The following ENOSF1 variants were observed in gnomAD, a reference collection of about 807,000 sequenced individuals.
ENOSF1 encodes the protein mitochondrial enolase superfamily member 1.
Under a neutral mutation model 68.2 loss-of-function variants are expected in ENOSF1, and 73 were observed. The ratio of observed to expected loss-of-function variants is 1.07; its 90% confidence interval spans 0.89 to 1.30. The LOEUF (loss-of-function observed/expected upper bound fraction) is 1.30, where lower values mean the gene tolerates loss of function less well. Among genes scored for constraint, ENOSF1 ranks in the 50% most tolerant of loss-of-function variants. The pLI is 0.00. For synonymous variants in ENOSF1, 223 were observed against 210.4 expected, an observed-to-expected ratio of 1.06 and a Z score of -0.52; for missense variants, 589 against 554.5, an observed-to-expected ratio of 1.06 and a Z score of -0.62.
chr18:690,285 G>A (rs1383148860), intron 8 of ENOSF1, among the ~76,000 whole-genome samples: 1 of 150,828 alleles, frequency 6.6e-6, no homozygotes, highest in Non-Finnish European at 1.5e-5. Flanking sequence ...ACTGGCATCT[G>A]CCATAGGGCA....
At chr18:683,590 T>C (rs1258473215) in intron 10 of ENOSF1, among the ~76,000 whole-genome samples, 2 of 151,890 alleles carry the variant, frequency 1.3e-5, no homozygotes, top group East Asian at 3.9e-4. Context: ...GTACAGTCTT[T>C]AGGAGGAGCC....
chr18:691,356 T>G, intron 5 of ENOSF1, 80 bp from the exon 6 acceptor site: 1 of 1,195,426 alleles, frequency 8.4e-7, no homozygotes. Flanking sequence ...TTTATTATTC[T>G]TTTTTTAGAG....
At chr18:666,908 G>C (rs1469955927), downstream of ENOSF1, among the ~76,000 whole-genome samples, 1 of 65,434 alleles carries the variant, frequency 1.5e-5, no homozygotes, top group African/African-American at 3.7e-5. Flanking sequence ...GATGGAGATG[G>C]TGATGGTGAT....
At chr18:667,029 TGATGGA>T (rs201595751), downstream of ENOSF1, among the ~76,000 whole-genome samples, 15 of 11,300 alleles carry the variant, frequency 1.3e-3, 3 homozygotes, top group African/African-American at 4.3e-3. Context: ...ATGGAGATGG[TGATGGA>T]GATGGTGATG....
Position 671,049 on chromosome 18 carries a change from G to C in ENOSF1, c.*3256C>G. ...CTCTTCTGGAAGGTTTTCTGGCCCT[G>C]TGGTATACGCACTAACAGATCTATA... On this transcript the variant is annotated 3_prime_UTR_variant, in exon 16 of 16. Coordinates refer to ENST00000647584, the MANE Select transcript of ENOSF1 (RefSeq NM_017512.7). 1 of 704,876 alleles carries C rather than the reference G, an allele frequency of 1.4e-6. No individual in the cohort carries two copies. The highest frequency in any genetic ancestry group is 2.3e-6 in the Non-Finnish European group (1 of 432,246). 43.7% of individuals were successfully genotyped at this position (704,876 alleles called of 1,614,324 possible). A position where few individuals can be genotyped will look rare whatever the true frequency, so the allele number is the denominator to read the frequency against.
the ENOSF1 span, among the ~76,000 whole-genome samples, chr18:665,154 CTT>C: frequency 0.17 from 25,694 of 150,588 alleles, 2,525 homozygotes; most frequent in African/African-American, 0.29. Flanking sequence ...GTCCTGGACT[CTT>C]TTTGGTTGGT....
rs754249352 is a variant in ENOSF1, at chr18:688,660, C to T, written c.619-52G>A. 17 of 1,530,872 alleles carry T rather than the reference C, an allele frequency of 1.1e-5. No individual in the cohort carries two copies. The Admixed American group carries it at 2.0e-4, about 18-fold the overall frequency. The allele number at this position is 1,530,872 out of a possible 1,614,324, so 94.8% of individuals were successfully genotyped here. On this transcript the variant is annotated intron_variant, in intron 8 of 15. Transcript: ENST00000647584. ...CACTGGAGAGAGCCCCTTGGTCTGA[C>T]CAGGAAGTCAGTCATTGCTGATCTG...
chr18:699,281 G>A (rs543302344), intron 2 of ENOSF1, among the ~76,000 whole-genome samples: 139 of 152,190 alleles, frequency 9.1e-4, no homozygotes, highest in African/African-American at 3.2e-3. Flanking sequence ...GGGCAGTGTG[G>A]CAAGACATCA....
intron 1 of ENOSF1, among the ~76,000 whole-genome samples, chr18:712,009 G>T (rs901921179): frequency 6.6e-6 from 1 of 152,166 alleles, no homozygotes; most frequent in Non-Finnish European, 1.5e-5. Flanking sequence ...ACCCCGTCGC[G>T]TTCAGGGTAC....
At chr18:677,554 T>C (rs1192642705) in intron 13 of ENOSF1, 110 bp from the exon 14 acceptor site, 3 of 1,233,308 alleles carry the variant, frequency 2.4e-6, no homozygotes, top group Non-Finnish European at 3.4e-6. Flanking sequence ...AATCATTTAT[T>C]AATATTTAGG....
At chr18:709,625 G>T (rs2079299596) in intron 1 of ENOSF1, among the ~76,000 whole-genome samples, 1 of 152,064 alleles carries the variant, frequency 6.6e-6, no homozygotes, top group Non-Finnish European at 1.5e-5. Flanking sequence ...ACAAAAATTA[G>T]CCAGGTGTGG....
rs569276543 is a variant in ENOSF1, at chr18:684,523, T to C, written c.742-1143A>G. ...TAGCCTGGGTGACTGAGTGAGACCC[T>C]ATCTCAAAAAATAATAATAATAACC... On this transcript the variant is annotated intron_variant, in intron 10 of 15. Transcript: ENST00000647584. Among the ~76,000 whole-genome samples, 224 of 152,150 alleles carry C rather than the reference T, an allele frequency of 1.5e-3. 3 individuals carry two copies. Among genetic ancestry groups the C allele is most frequent in the African/African-American group, 5.2e-3 (216 of 41,520 alleles).
At chr18:700,564 A>C (rs537432679) in intron 2 of ENOSF1, among the ~76,000 whole-genome samples, 1 of 152,076 alleles carries the variant, frequency 6.6e-6, no homozygotes, top group Admixed American at 6.6e-5. Context: ...TCAACAGGAG[A>C]CTAGAATTTG....
At chr18:668,523 G>T (rs1264802203), downstream of ENOSF1, among the ~76,000 whole-genome samples, 7 of 152,176 alleles carry the variant, frequency 4.6e-5, no homozygotes, top group Admixed American at 2.6e-4. Flanking sequence ...CGTGTGTTGA[G>T]CTGCTAAACT....
chr18:702,917 T>C (rs918469081), intron 2 of ENOSF1, among the ~76,000 whole-genome samples: 2 of 152,200 alleles, frequency 1.3e-5, no homozygotes, highest in African/African-American at 2.4e-5. Context: ...AAGCACTCTC[T>C]TCACAGTAAC....
At chr18:680,114 T>C (rs1410746499) in intron 11 of ENOSF1, among the ~76,000 whole-genome samples, 1 of 152,228 alleles carries the variant, frequency 6.6e-6, no homozygotes. Context: ...ATAATCAGAC[T>C]AAGCCAACTT....
At chr18:680,183 C>A (rs572248211) in intron 11 of ENOSF1, among the ~76,000 whole-genome samples, 17 of 152,302 alleles carry the variant, frequency 1.1e-4, no homozygotes, top group African/African-American at 3.6e-4. Flanking sequence ...GTGCTGGCCC[C>A]GCATCTCACG....
Position 672,991 on chromosome 18 carries a change from T to C in ENOSF1, c.*1314A>G. On this transcript the variant is annotated 3_prime_UTR_variant, in exon 16 of 16. Coordinates refer to ENST00000647584, the MANE Select transcript of ENOSF1 (RefSeq NM_017512.7). ...ATCCAACTATTAAAATGGAAATGGC[T>C]GTTTAGGGTGCTTTCAAAGGAGCTC... is the stretch of plus-strand genomic sequence containing the variant. 6.4e-7 allele frequency: 1 copy of C among 1,562,226 alleles called. No individual in the cohort carries two copies. The highest frequency in any genetic ancestry group is 8.8e-7 in the Non-Finnish European group (1 of 1,140,706).
downstream of ENOSF1, chr18:669,213 C>T (rs2074929716): frequency 3.2e-6 from 5 of 1,565,286 alleles, no homozygotes; most frequent in Non-Finnish European, 4.4e-6. Context: ...ACTAACCATA[C>T]TCTTAGAGGG....
Sources: allele counts gnomAD v4.1 joint callset (sites outside exome capture counted in the v4.1 genomes callset), GRCh38; gene constraint gnomAD v4.1.1; transcripts MANE v1.5; gene names NCBI Gene and HGNC (gene_info 2026-07-23, HGNC 2026-07-21).